The following TOP6BL variants were observed in gnomAD, a reference collection of about 807,000 sequenced individuals.
The protein encoded by TOP6BL is type 2 DNA topoisomerase 6 subunit B-like.
the TOP6BL span, among the ~76,000 whole-genome samples, chr11:66,762,688 C>T: frequency 6.6e-6 from 1 of 152,150 alleles, no homozygotes; most frequent in African/African-American, 2.4e-5. Context: ...TCAGGCTGGC[C>T]TCGAACTCCT....
the TOP6BL span, among the ~76,000 whole-genome samples, chr11:66,757,934 GT>G: frequency 6.6e-5 from 10 of 152,180 alleles, no homozygotes; most frequent in African/African-American, 9.7e-5. Flanking sequence ...ATAGCCACAT[GT>G]AGTTTCTGGC....
At chr11:66,843,221 G>C in the TOP6BL span, 1 of 1,610,132 alleles carries the variant, frequency 6.2e-7, no homozygotes, top group Non-Finnish European at 8.5e-7. Flanking sequence ...CTGAGTCCCA[G>C]CCCTGGGCCC....
the TOP6BL span, among the ~76,000 whole-genome samples, chr11:66,764,659 C>T: frequency 7.4e-6 from 1 of 134,688 alleles, no homozygotes; most frequent in East Asian, 2.2e-4. Context: ...TGCGAGACTC[C>T]ATCTCCAAAA....
chr11:66,782,445 G>A, the TOP6BL span, among the ~76,000 whole-genome samples: 1,665 of 152,262 alleles, frequency 0.011, 37 homozygotes, highest in African/African-American at 0.037. Flanking sequence ...TTAGTACCCT[G>A]CTCTTTGTAT....
the TOP6BL span, among the ~76,000 whole-genome samples, chr11:66,760,843 A>G: frequency 6.6e-6 from 1 of 151,956 alleles, no homozygotes; most frequent in East Asian, 1.9e-4. Flanking sequence ...AAAAAGCTAC[A>G]TTGGAAAGGT....
the TOP6BL span, among the ~76,000 whole-genome samples, chr11:66,766,924 ACATACT>A: frequency 6.6e-6 from 1 of 152,206 alleles, no homozygotes; most frequent in East Asian, 1.9e-4. Context: ...AGTGATATTG[ACATACT>A]CATAATTCTC....
At chr11:66,752,249 A>G in the TOP6BL span, among the ~76,000 whole-genome samples, 1 of 150,948 alleles carries the variant, frequency 6.6e-6, no homozygotes, top group East Asian at 1.9e-4. Context: ...GAGACCTTAC[A>G]TCTCTGAAAA....
chr11:66,796,416 C>G, the TOP6BL span: 1 of 1,385,004 alleles, frequency 7.2e-7, no homozygotes. Context: ...TCATTGTTTT[C>G]CAGAGACCTT....
chr11:66,835,772 T>C, the TOP6BL span, among the ~76,000 whole-genome samples: 2 of 152,360 alleles, frequency 1.3e-5, no homozygotes, highest in East Asian at 3.9e-4. Flanking sequence ...TAATAATCCA[T>C]TGTATTGATA....
chr11:66,811,175 T>G, the TOP6BL span, among the ~76,000 whole-genome samples: 1 of 151,636 alleles, frequency 6.6e-6, no homozygotes, highest in Non-Finnish European at 1.5e-5. Context: ...TTCTTCATAT[T>G]TCTTTTTTTT....
chr11:66,748,629 T>C, the TOP6BL span: 2 of 878,202 alleles, frequency 2.3e-6, no homozygotes, highest in Non-Finnish European at 3.3e-6. Context: ...GATTGTTCCA[T>C]AATTATAAAA....
At chr11:66,814,424 A>G in the TOP6BL span, among the ~76,000 whole-genome samples, 10 of 151,958 alleles carry the variant, frequency 6.6e-5, no homozygotes, top group African/African-American at 9.7e-5. Context: ...ATGCCTGGCT[A>G]ATAGTTTTTT....
chr11:66,751,328 A>T, the TOP6BL span, among the ~76,000 whole-genome samples: 1 of 151,680 alleles, frequency 6.6e-6, no homozygotes, highest in Non-Finnish European at 1.5e-5. Context: ...CCAAGTAGCT[A>T]GGACCACAGG....
chr11:66,813,787 AGT>A, the TOP6BL span: 33 of 1,332,632 alleles, frequency 2.5e-5, no homozygotes, highest in Non-Finnish European at 1.1e-6. Flanking sequence ...AAACCAGGTC[AGT>A]GTTGTTTGTT....
At chr11:66,747,919 A>T in the TOP6BL span, among the ~76,000 whole-genome samples, 1 of 152,174 alleles carries the variant, frequency 6.6e-6, no homozygotes, top group East Asian at 1.9e-4. Flanking sequence ...CGCGCAGGGC[A>T]GCATTAGCAC....
At chr11:66,788,371 C>A in the TOP6BL span, 2 of 907,196 alleles carry the variant, frequency 2.2e-6, no homozygotes, top group Non-Finnish European at 3.3e-6. Context: ...AAGTTCCAAG[C>A]TGGAATGAAA....
chr11:66,796,323 A>G, the TOP6BL span: 25 of 1,611,218 alleles, frequency 1.6e-5, no homozygotes, highest in Non-Finnish European at 2.1e-5. Context: ...TTGTCTGGTT[A>G]TAAAGCATTT....
chr11:66,783,847 G>T, the TOP6BL span, among the ~76,000 whole-genome samples: 1 of 151,580 alleles, frequency 6.6e-6, no homozygotes, highest in Admixed American at 6.6e-5. Context: ...ATATTTTTTG[G>T]CAGGGTCTCA....
chr11:66,747,987 C>T, the TOP6BL span, among the ~76,000 whole-genome samples: 3 of 152,162 alleles, frequency 2.0e-5, no homozygotes, highest in African/African-American at 7.2e-5. Flanking sequence ...CAAGATGATT[C>T]ATAACCAGAT....
Sources: allele counts gnomAD v4.1 joint callset (sites outside exome capture counted in the v4.1 genomes callset), GRCh38; gene constraint gnomAD v4.1.1; transcripts MANE v1.5; gene names NCBI Gene and HGNC (gene_info 2026-07-23, HGNC 2026-07-21).